IREB2: variants seen among roughly 807,000 people sequenced by gnomAD.
IREB2 encodes the protein iron-responsive element-binding protein 2.
IREB2 carries 39 observed loss-of-function variants against 118.8 expected under a neutral mutation model. That is an observed-to-expected ratio of 0.33 (90% CI 0.25 to 0.43). IREB2 has a LOEUF of 0.43. Among genes scored for constraint, IREB2 ranks in the 20% least tolerant of loss-of-function variants. The pLI is 1.00. For missense variants in IREB2, 900 were observed against 1,147.3 expected (o/e 0.78, Z 3.11); for synonymous variants, 372 against 392.2 (o/e 0.95, Z 0.61).
chr15:78,474,316 G>A (rs1357501213), intron 8 of IREB2: 1 of 152,146 alleles, frequency 6.6e-6, no homozygotes, highest in Non-Finnish European at 1.5e-5. Flanking sequence ...AAATGATAAT[G>A]CCTCCCTCTC....
chr15:78,463,112 G>A lies in IREB2; in HGVS notation c.272+25G>A. 1.9e-6 allele frequency: 3 copies of A among 1,562,532 alleles called. No homozygotes were observed. In the South Asian group the frequency reaches 3.6e-5, roughly 19 times the overall value. On this transcript the variant is annotated intron_variant, in intron 3 of 21. Coordinates refer to ENST00000258886, the MANE Select transcript of IREB2 (RefSeq NM_004136.4). Reference sequence around the variant, plus strand: ...CGTGAGTAATGGGTTTATTTTTTGTGAATGAACTCTTAGAGTGTGTTTCCT... The same window carrying A: ...CGTGAGTAATGGGTTTATTTTTTGTAAATGAACTCTTAGAGTGTGTTTCCT...
chr15:78,447,258 C>T (rs1353555357), intron 2 of IREB2, among the ~76,000 whole-genome samples: 1 of 149,384 alleles, frequency 6.7e-6, no homozygotes, highest in African/African-American at 2.5e-5. Flanking sequence ...TTCACTGCAT[C>T]TTCAACCTCC....
intron 2 of IREB2, among the ~76,000 whole-genome samples, chr15:78,460,775 C>T (rs1367380226): frequency 2.0e-5 from 3 of 151,966 alleles, no homozygotes. Flanking sequence ...AGTTCGTATC[C>T]ATGTTTATAA....
At chr15:78,458,754 C>T (rs1168828224) in intron 2 of IREB2, among the ~76,000 whole-genome samples, 2 of 152,182 alleles carry the variant, frequency 1.3e-5, no homozygotes, top group Non-Finnish European at 2.9e-5. Context: ...GCAGATACCA[C>T]GTCTCATTTG....
chr15:78,480,731 C>G (rs144396861), intron 10 of IREB2, among the ~76,000 whole-genome samples: 1 of 146,684 alleles, frequency 6.8e-6, no homozygotes, highest in Admixed American at 6.9e-5. Flanking sequence ...TGGTGGCTCA[C>G]GCCTGTAATC....
At chr15:78,483,016 G>T (rs2051601440) in intron 10 of IREB2, among the ~76,000 whole-genome samples, 1 of 152,112 alleles carries the variant, frequency 6.6e-6, no homozygotes, top group South Asian at 2.1e-4. Context: ...TGGGATTACA[G>T]GTGTGAGCCA....
intron 8 of IREB2, chr15:78,474,977 C>A (rs1485957372): frequency 1.4e-5 from 2 of 147,848 alleles, no homozygotes; most frequent in African/African-American, 5.1e-5. Flanking sequence ...ATGGCGTGAA[C>A]CCGGGAGGCG....
At chr15:78,481,522 A>ATTTTTTTTTTTT (rs145058390) in intron 10 of IREB2, among the ~76,000 whole-genome samples, 1 of 137,988 alleles carries the variant, frequency 7.2e-6, no homozygotes. Flanking sequence ...CACCTCGCTA[A>ATTTTTTTTTTTT]TTTTTTTTTT....
chr15:78,452,380 A>G (rs577367035), intron 2 of IREB2, among the ~76,000 whole-genome samples: 1 of 152,300 alleles, frequency 6.6e-6, no homozygotes, highest in South Asian at 2.1e-4. Flanking sequence ...TGAATCGGGC[A>G]TGTGGTTTTG....
chr15:78,441,867 G>A (rs182451054), intron 2 of IREB2, among the ~76,000 whole-genome samples: 16 of 152,062 alleles, frequency 1.1e-4, no homozygotes, highest in African/African-American at 3.9e-4. Flanking sequence ...GTTTTTATGT[G>A]GGGTCAGTAC....
rs575978982 is a variant in IREB2 at position 78,488,374 on chromosome 15, C to G, written c.1951+38C>G. 6.8e-6 allele frequency: 10 copies of G among 1,478,942 alleles called. No individual in the cohort carries two copies. In the Admixed American group the frequency reaches 2.2e-4, roughly 33 times the overall value. 91.6% of individuals were successfully genotyped at this position (1,478,942 alleles called of 1,614,324 possible). A position where few individuals can be genotyped will look rare whatever the true frequency, so the allele number is the denominator to read the frequency against. On this transcript the variant is annotated intron_variant, in intron 15 of 21. Coordinates refer to ENST00000258886, the MANE Select transcript of IREB2 (RefSeq NM_004136.4). ...TTATGTATATGTATACCTACACATA[C>G]TTTTCCCAATGGAAGTCGTTATATT...
At chr15:78,473,217 A>G in intron 7 of IREB2, 25 bp from the exon 8 acceptor site, 1 of 1,606,468 alleles carries the variant, frequency 6.2e-7, no homozygotes, top group Non-Finnish European at 8.5e-7. Context: ...ATACTGTGCT[A>G]ATATACCTGT....
rs531401508 is a variant in IREB2, at chr15:78,489,898, A to G, written c.2077-524A>G. ...AAAGCAGAGGTTTTTCTCCATTATA[A>G]CATTCTTAGACATTAACAGCATACC... On this transcript the variant is annotated intron_variant, in intron 16 of 21. Transcript: ENST00000258886. Among the ~76,000 whole-genome samples the G allele has an allele frequency of 3.9e-5, 6 of 152,304 alleles. No homozygotes were observed. The South Asian group carries it at 1.2e-3, about 32-fold the overall frequency.
At chr15:78,485,628 C>A in intron 12 of IREB2, 77 bp from the exon 13 acceptor site, 1 of 1,402,988 alleles carries the variant, frequency 7.1e-7, no homozygotes, top group Non-Finnish European at 9.7e-7. Context: ...TAAATTACTT[C>A]TCACTTTTTA....
At position 78,465,238 on chromosome 15, in the gene IREB2, C is replaced by T; in HGVS notation, c.273-13C>T. ...CAATTTGGACTATAATTTGACCATT[C>T]TTTATTTTTTAGTGGAATACCAGCA... On this transcript the variant is annotated splice_polypyrimidine_tract_variant and intron_variant, in intron 3 of 21. Coordinates refer to ENST00000258886, the MANE Select transcript of IREB2 (RefSeq NM_004136.4). The T allele has an allele frequency of 6.3e-7, 1 of 1,594,536 alleles. No individual in the cohort carries two copies. The highest frequency in any genetic ancestry group is 8.5e-7 in the Non-Finnish European group (1 of 1,171,484).
intron 1 of IREB2, chr15:78,438,680 G>A: frequency 2.2e-6 from 1 of 459,458 alleles, no homozygotes; most frequent in Non-Finnish European, 4.0e-6. Context: ...CAGGGGCAGG[G>A]AGAGGCCCAC....
At chr15:78,483,747 A>G (rs1011453896) in intron 11 of IREB2, among the ~76,000 whole-genome samples, 4 of 152,058 alleles carry the variant, frequency 2.6e-5, no homozygotes, top group Non-Finnish European at 2.9e-5. Context: ...GTATTGATGA[A>G]CAGCATAGAT....
Position 78,498,060 on chromosome 15 carries a change from A to T in IREB2, c.2809A>T (p.Ile937Phe), listed in dbSNP as rs753393915. Residue 937 changes from isoleucine to phenylalanine, a missense_variant, in exon 22 of 22, where the codon ATT becomes TTT. Transcript: ENST00000258886. ...QTSTGKVFSVIASFEDDVEIT... is the reference protein window; with the variant it reads ...QTSTGKVFSVFASFEDDVEIT... ...AAGCACTGGAAAAGTATTCAGCGTG[A>T]TTGCTTCGTTTGAAGATGATGTGGA... 6.2e-7 allele frequency: 1 copy of T among 1,612,872 alleles called. No homozygotes were observed. Among genetic ancestry groups the T allele is most frequent in the South Asian group, 1.1e-5 (1 of 91,018 alleles).
intron 5 of IREB2, among the ~76,000 whole-genome samples, chr15:78,467,159 A>C (rs2051296917): frequency 6.6e-6 from 1 of 150,458 alleles, no homozygotes; most frequent in Admixed American, 6.7e-5. Flanking sequence ...CAGTGAGCCA[A>C]GATCATGCCA....
Sources: allele counts gnomAD v4.1 joint callset (sites outside exome capture counted in the v4.1 genomes callset), GRCh38; gene constraint gnomAD v4.1.1; transcripts MANE v1.5; gene names NCBI Gene and HGNC (gene_info 2026-07-23, HGNC 2026-07-21).